The following CCDC91 variants were observed in gnomAD, a reference collection of about 807,000 sequenced individuals.
CCDC91 encodes the protein coiled-coil domain-containing protein 91.
CCDC91 carries 48 observed loss-of-function variants against 63.2 expected under a neutral mutation model. The observed-to-expected ratio is 0.76, with a 90% confidence interval of 0.60 to 0.97. CCDC91 has a LOEUF of 0.97. Among genes scored for constraint, CCDC91 ranks in the 50% least tolerant of loss-of-function variants. The pLI, the probability that CCDC91 is intolerant of heterozygous loss-of-function variation, is 0.00. For synonymous variants in CCDC91, 167 were observed against 165.8 expected, an observed-to-expected ratio of 1.01 and a Z score of -0.06; for missense variants, 500 against 494.6, an observed-to-expected ratio of 1.01 and a Z score of -0.10.
chr12:28,210,519 A>G (rs1943159743), intron 1 of CCDC91, among the ~76,000 whole-genome samples: 1 of 152,168 alleles, frequency 6.6e-6, no homozygotes, highest in Admixed American at 6.5e-5. Context: ...TACTGGCTAT[A>G]GGATGAAGTC....
At chr12:28,285,938 A>T (rs1299040910) in intron 3 of CCDC91, among the ~76,000 whole-genome samples, 1 of 152,038 alleles carries the variant, frequency 6.6e-6, no homozygotes, top group Non-Finnish European at 1.5e-5. Flanking sequence ...AAACTTTTAA[A>T]AGAAAAATAA....
chr12:28,367,051 A>G (rs1944322354), intron 7 of CCDC91, among the ~76,000 whole-genome samples: 4 of 152,206 alleles, frequency 2.6e-5, no homozygotes, highest in Admixed American at 2.6e-4. Flanking sequence ...CTAGATTTCA[A>G]TTAAAAAATA....
intron 7 of CCDC91, among the ~76,000 whole-genome samples, chr12:28,370,939 T>C (rs1213234273): frequency 6.6e-6 from 1 of 152,092 alleles, no homozygotes; most frequent in East Asian, 1.9e-4. Context: ...ATCTAATCAC[T>C]TCCTGCCAGG....
intron 12 of CCDC91, among the ~76,000 whole-genome samples, chr12:28,504,556 A>G (rs988276353): frequency 6.6e-6 from 1 of 151,874 alleles, no homozygotes; most frequent in African/African-American, 2.4e-5. Context: ...TATATTCAGA[A>G]TCTGATATAT....
At chr12:28,318,037 A>C (rs1375962140) in intron 6 of CCDC91, among the ~76,000 whole-genome samples, 1 of 151,984 alleles carries the variant, frequency 6.6e-6, no homozygotes, top group Non-Finnish European at 1.5e-5. Flanking sequence ...TTTCACAAAA[A>C]TAAAAATTTA....
intron 3 of CCDC91, chr12:28,302,766 C>A: frequency 3.4e-6 from 1 of 292,330 alleles, no homozygotes; most frequent in Non-Finnish European, 5.1e-6. Flanking sequence ...GATGGGCAAG[C>A]TTGGTATACC....
At chr12:28,352,278 T>G (rs1272550933) in intron 6 of CCDC91, among the ~76,000 whole-genome samples, 4 of 152,210 alleles carry the variant, frequency 2.6e-5, no homozygotes, top group Non-Finnish European at 5.9e-5. Flanking sequence ...GGTGTGGCTG[T>G]TGCAGTTTCT....
chr12:28,400,649 A>G (rs1252427166), intron 8 of CCDC91, among the ~76,000 whole-genome samples: 13 of 152,132 alleles, frequency 8.5e-5, no homozygotes, highest in African/African-American at 2.2e-4. Context: ...ATCTTTGTGA[A>G]TATATAAAAC....
Position 28,469,510 on chromosome 12 carries a change from C to G in CCDC91, c.1102-14542C>G, listed in dbSNP as rs76698349. On this transcript the variant is annotated intron_variant, in intron 11 of 12. Transcript: ENST00000536442. ...AAATATTGTTAAAATGTCCATATTT[C>G]CCAAAGCAATCTGTGGATTTAATAT... Among the ~76,000 whole-genome samples, 337 of 152,080 alleles carry G rather than the reference C, an allele frequency of 2.2e-3. 3 individuals carry two copies. Among genetic ancestry groups the G allele is most frequent in the African/African-American group, 7.7e-3 (319 of 41,526 alleles).
intron 3 of CCDC91, among the ~76,000 whole-genome samples, chr12:28,304,256 A>C (rs560055743): frequency 1.3e-5 from 2 of 151,618 alleles, no homozygotes; most frequent in East Asian, 3.9e-4. Flanking sequence ...GAGTGCCTGT[A>C]ATCCCAGCTA....
chr12:28,341,384 C>G (rs1226292435), intron 6 of CCDC91, among the ~76,000 whole-genome samples: 2 of 152,146 alleles, frequency 1.3e-5, no homozygotes, highest in Non-Finnish European at 2.9e-5. Context: ...CCAGCACTTT[C>G]CGGCCCCCCT....
intron 6 of CCDC91, among the ~76,000 whole-genome samples, chr12:28,308,553 C>T (rs1938987021): frequency 6.6e-6 from 1 of 151,906 alleles, no homozygotes; most frequent in Non-Finnish European, 1.5e-5. Context: ...CTCTGTGTTC[C>T]CTTATGTCCC....
At chr12:28,204,930 C>T (rs1324792095) in intron 1 of CCDC91, among the ~76,000 whole-genome samples, 7 of 152,062 alleles carry the variant, frequency 4.6e-5, no homozygotes, top group Non-Finnish European at 8.8e-5. Flanking sequence ...TCATTGCTAC[C>T]ATGCATAATT....
chr12:28,224,050 G>A (rs1382584317), intron 1 of CCDC91, among the ~76,000 whole-genome samples: 15 of 152,110 alleles, frequency 9.9e-5, no homozygotes, highest in African/African-American at 2.2e-4. Flanking sequence ...GACCAGAATC[G>A]TTTCATTTTG....
intron 8 of CCDC91, among the ~76,000 whole-genome samples, chr12:28,436,978 C>T (rs555720525): frequency 5.9e-5 from 9 of 151,430 alleles, no homozygotes; most frequent in African/African-American, 1.7e-4. Context: ...GACAGAGTCT[C>T]GCTCTGTCTC....
chr12:28,472,043 G>A (rs184817263), intron 11 of CCDC91, among the ~76,000 whole-genome samples: 84 of 152,230 alleles, frequency 5.5e-4, no homozygotes, highest in African/African-American at 1.2e-3. Flanking sequence ...GAGCCACCAC[G>A]CCCGGCCCAT....
intron 12 of CCDC91, among the ~76,000 whole-genome samples, chr12:28,524,996 G>T (rs1941132249): frequency 6.6e-6 from 1 of 151,946 alleles, no homozygotes; most frequent in South Asian, 2.1e-4. Context: ...TTCTTTTCTT[G>T]GTTAATCTTG....
intron 1 of CCDC91, among the ~76,000 whole-genome samples, chr12:28,221,402 A>G (rs1272667234): frequency 6.6e-6 from 1 of 151,988 alleles, no homozygotes; most frequent in Non-Finnish European, 1.5e-5. Flanking sequence ...TCTCCTGGTT[A>G]TGCGTTATAG....
At chr12:28,321,704 A>G (rs1289281491) in intron 6 of CCDC91, among the ~76,000 whole-genome samples, 1 of 151,856 alleles carries the variant, frequency 6.6e-6, no homozygotes, top group South Asian at 2.1e-4. Flanking sequence ...CCTCACCGGA[A>G]AATGATCATG....
Sources: allele counts gnomAD v4.1 joint callset (sites outside exome capture counted in the v4.1 genomes callset), GRCh38; gene constraint gnomAD v4.1.1; transcripts MANE v1.5; gene names NCBI Gene and HGNC (gene_info 2026-07-23, HGNC 2026-07-21).